The following PYDC1 variants were observed in gnomAD, a reference collection of about 807,000 sequenced individuals.
PYDC1 encodes the protein pyrin domain containing 1, also known as pyrin domain-containing protein 1.
A neutral mutation model predicts 0.7 loss-of-function variants in PYDC1; 1 was observed. The ratio of observed to expected loss-of-function variants is 1.39; its 90% CI spans 0.49 to 6.61. The LOEUF (loss-of-function observed/expected upper bound fraction) is 6.61. Among genes scored for constraint, PYDC1 ranks in the 30% most tolerant of loss-of-function variants. The probability of loss-of-function intolerance (pLI) is 0.14; values close to 1 mark genes in which losing one functional copy is unlikely to be tolerated. For synonymous variants in PYDC1, 37 were observed against 60.9 expected (o/e 0.61, Z 1.83); for missense variants, 129 against 124.8 (o/e 1.03, Z -0.16).
chr16:31,217,054 C>T lies in PYDC1; in HGVS notation c.-26G>A, dbSNP rs766304046. On this transcript the variant is annotated 5_prime_UTR_variant, in exon 1 of 2. Coordinates refer to ENST00000302964, the MANE Select transcript of PYDC1 (RefSeq NM_152901.4). Reference sequence around the variant, plus strand: ...GGCTCAGCCCTGCGCCTCTGAGCCTCCGAGGGCCTGGAGCCATCAGGTCCT... The same window carrying T: ...GGCTCAGCCCTGCGCCTCTGAGCCTTCGAGGGCCTGGAGCCATCAGGTCCT... 6.9e-6 allele frequency: 11 copies of T among 1,599,984 alleles called. No homozygotes were observed. In the African/African-American group the frequency reaches 1.3e-4, roughly 20 times the overall value.
rs1448913634 is a variant in PYDC1 at position 31,216,841 on chromosome 16, T to C, written c.188A>G (p.Asp63Gly). ...TDKLVASYYE[D>G]YAAELVVAVL... ...GGCCACGACGAGCTCGGCTGCGTAG[T>C]CCTCGTAGTAGGAGGCGACCAGCTT... The change falls in exon 1 of 2, where the codon GAC becomes GGC. Residue 63 changes from aspartate to glycine, a missense_variant. Coordinates refer to ENST00000302964, the MANE Select transcript of PYDC1 (RefSeq NM_152901.4). This position sits in a 1 kb window ranked among gnomAD's most constrained non-coding sequence, Gnocchi z 6.7. 1.2e-6 allele frequency: 2 copies of C among 1,613,648 alleles called. No individual in the cohort carries two copies. Among genetic ancestry groups the C allele is most frequent in the African/African-American group, 2.7e-5 (2 of 74,956 alleles).
chr16:31,216,837 G>T lies in PYDC1; in HGVS notation c.192C>A (p.Tyr64Ter). Residue 64 changes from tyrosine to a stop codon, truncating the protein, a stop_gained, in exon 1 of 2, where the codon TAC (tyrosine) becomes TAA (stop). Coordinates refer to ENST00000302964, the MANE Select transcript of PYDC1 (RefSeq NM_152901.4). LOFTEE classifies it low-confidence loss of function (END_TRUNC). The surrounding 1 kb of genome is among the most constrained non-coding windows in gnomAD (Gnocchi z 6.7). Reference protein sequence around the residue: ...DKLVASYYEDYAAELVVAVLR... With the variant: ...DKLVASYYED The stretch of plus-strand genomic sequence containing the variant: ...GCACGGCCACGACGAGCTCGGCTGC[G>T]TAGTCCTCGTAGTAGGAGGCGACCA... 3.1e-6 allele frequency: 5 copies of T among 1,613,714 alleles called. No homozygotes were observed. Among genetic ancestry groups the T allele is most frequent in the Non-Finnish European group, 4.2e-6 (5 of 1,179,956 alleles).
Position 31,216,725 on chromosome 16 carries a change from G to C in PYDC1, c.*16+18C>G. 1 of 1,573,250 alleles carries C rather than the reference G, an allele frequency of 6.4e-7. No individual in the cohort carries two copies. The highest frequency in any genetic ancestry group is 8.7e-7 in the Non-Finnish European group (1 of 1,155,646). On this transcript the variant is annotated intron_variant, in intron 1 of 1. Coordinates refer to ENST00000302964, the MANE Select transcript of PYDC1 (RefSeq NM_152901.4). This position sits in a 1 kb window ranked among gnomAD's most constrained non-coding sequence, Gnocchi z 6.7. ...GGTCCTTGGCGAGGAAGCGGGGTTG[G>C]GTCCCGAGATCACGTACCAGCTCAG...
chr16:31,216,697 G>A lies in PYDC1; in HGVS notation c.*16+46C>T, dbSNP rs73532241. ...GAAGGCTCTGGGCGGGACCTGACGC[G>A]TGGGTCCTTGGCGAGGAAGCGGGGT... On this transcript the variant is annotated intron_variant, in intron 1 of 1. Transcript: ENST00000302964. The surrounding 1 kb of genome is among the most constrained non-coding windows in gnomAD (Gnocchi z 6.7). 2.6e-5 allele frequency: 40 copies of A among 1,542,922 alleles called. No homozygotes were observed. Among genetic ancestry groups the A allele is most frequent in the South Asian group, 2.4e-4 (20 of 82,230 alleles).
Position 31,217,123 on chromosome 16 carries a change from C to G in PYDC1, c.-95G>C, listed in dbSNP as rs906878765. On this transcript the variant is annotated 5_prime_UTR_variant, in exon 1 of 2. Coordinates refer to ENST00000302964, the MANE Select transcript of PYDC1 (RefSeq NM_152901.4). ...GGAGCTGCCGCCCCCGGGGATGTCC[C>G]GGGAAGGAGACTGATCTGGCAGCTC... 5.2e-6 allele frequency: 7 copies of G among 1,350,098 alleles called. No homozygotes were observed. In the African/African-American group the frequency reaches 1.0e-4, roughly 20 times the overall value. The allele number at this position is 1,350,098 out of a possible 1,614,324, so 83.6% of individuals were successfully genotyped here.
Position 31,217,056 on chromosome 16 carries a change from G to C in PYDC1, c.-28C>G, listed in dbSNP as rs1054702349. 3.1e-6 allele frequency: 5 copies of C among 1,595,826 alleles called. No homozygotes were observed. The highest frequency in any genetic ancestry group is 2.7e-5 in the African/African-American group (2 of 74,486). On this transcript the variant is annotated 5_prime_UTR_variant, in exon 1 of 2. Transcript: ENST00000302964. Reference sequence around the variant, plus strand: ...CTCAGCCCTGCGCCTCTGAGCCTCCGAGGGCCTGGAGCCATCAGGTCCTAC... The same window carrying C: ...CTCAGCCCTGCGCCTCTGAGCCTCCCAGGGCCTGGAGCCATCAGGTCCTAC...
chr16:31,217,042 G>A lies in PYDC1; in HGVS notation c.-14C>T. ...CTTCGTTCCCATGGCTCAGCCCTGC[G>A]CCTCTGAGCCTCCGAGGGCCTGGAG... is the stretch of plus-strand genomic sequence containing the variant. On this transcript the variant is annotated 5_prime_UTR_variant, in exon 1 of 2. Transcript: ENST00000302964. The A allele has an allele frequency of 1.9e-6, 3 of 1,603,662 alleles. No individual in the cohort carries two copies. The highest frequency in any genetic ancestry group is 1.1e-5 in the South Asian group (1 of 90,742).
Position 31,216,448 on chromosome 16 carries a change from CA to C in PYDC1, c.*17-292del, listed in dbSNP as rs200361055. Reference sequence around the variant, plus strand: ...AAAAAAAAAACAAAAAACAAACAAACAAAAAAAACCCAACCTCGCCCAACCT... The same window carrying C: ...AAAAAAAAAACAAAAAACAAACAAACAAAAAAACCCAACCTCGCCCAACCT... On this transcript the variant is annotated intron_variant, in intron 1 of 1. Coordinates refer to ENST00000302964, the MANE Select transcript of PYDC1 (RefSeq NM_152901.4). The surrounding 1 kb of genome is among the most constrained non-coding windows in gnomAD (Gnocchi z 6.7). The C allele has an allele frequency of 1.0e-4, 37 of 368,708 alleles. No individual in the cohort carries two copies. Among genetic ancestry groups the C allele is most frequent in the Non-Finnish European group, 1.5e-4 (30 of 205,798 alleles). The allele number at this position is 368,708 out of a possible 1,614,324, so 22.8% of individuals were successfully genotyped here. A position where few individuals can be genotyped will look rare whatever the true frequency, so the allele number is the denominator to read the frequency against.
chr16:31,216,545 T>C lies in PYDC1; in HGVS notation c.*16+198A>G, dbSNP rs546450600. On this transcript the variant is annotated intron_variant, in intron 1 of 1. Transcript: ENST00000302964. This position sits in a 1 kb window ranked among gnomAD's most constrained non-coding sequence, Gnocchi z 6.7. ...ACAGGGCCCAGGCAGCCCAGGAGCC[T>C]GGAAGGGGGCAGTGGGGCGAGATGC... is the stretch of plus-strand genomic sequence containing the variant. Among the ~76,000 whole-genome samples, 1 of 152,126 alleles carries C rather than the reference T, an allele frequency of 6.6e-6. No individual in the cohort carries two copies. Among genetic ancestry groups the C allele is most frequent in the African/African-American group, 2.4e-5 (1 of 41,470 alleles).
rs1170423422 is a variant in PYDC1 at position 31,216,586 on chromosome 16, G to A, written c.*16+157C>T. On this transcript the variant is annotated intron_variant, in intron 1 of 1. Transcript: ENST00000302964. The surrounding 1 kb of genome is among the most constrained non-coding windows in gnomAD (Gnocchi z 6.7). ...GGCGAGATGCAGCCCACCAGGGTTC[G>A]CGGCAGCCCAGCCCTTCGCCCCCGG... Among the ~76,000 whole-genome samples the A allele has an allele frequency of 6.6e-6, 1 of 152,160 alleles. No individual in the cohort carries two copies.
Position 31,217,068 on chromosome 16 carries a change from CCA to C in PYDC1, c.-42_-41del. 1 of 1,585,974 alleles carries C rather than the reference CCA, an allele frequency of 6.3e-7. No individual in the cohort carries two copies. Among genetic ancestry groups the C allele is most frequent in the Non-Finnish European group, 8.6e-7 (1 of 1,161,384 alleles). On this transcript the variant is annotated 5_prime_UTR_variant, in exon 1 of 2. The change abolishes an upstream ATG in the 5' untranslated region. Transcript: ENST00000302964. Reference sequence around the variant, plus strand: ...CCTCTGAGCCTCCGAGGGCCTGGAGCCATCAGGTCCTACCTTTCCTGCAGCAG... The same window carrying C: ...CCTCTGAGCCTCCGAGGGCCTGGAGCTCAGGTCCTACCTTTCCTGCAGCAG...
At position 31,216,907 on chromosome 16, in the gene PYDC1, C is replaced by G; in HGVS notation, c.122G>C (p.Arg41Pro). ...GATATCTAGCTGCCCGAGCGCGCCC[C>G]GCGGGATGCGCTCAAAGCCCTCGCG... ...PLREGFERIP[R>P]GALGQLDIVD... Residue 41 changes from arginine to proline, a missense_variant, in exon 1 of 2, where the codon CGG (arginine) becomes CCG (proline). Coordinates refer to ENST00000302964, the MANE Select transcript of PYDC1 (RefSeq NM_152901.4). The surrounding 1 kb of genome is among the most constrained non-coding windows in gnomAD (Gnocchi z 6.7). The G allele has an allele frequency of 6.2e-7, 1 of 1,613,982 alleles. No individual in the cohort carries two copies. The highest frequency in any genetic ancestry group is 8.5e-7 in the Non-Finnish European group (1 of 1,180,038).
Position 31,216,828 on chromosome 16 carries a change from C to A in PYDC1, c.201G>T (p.Glu67Asp). Reference sequence around the variant, plus strand: ...TGTCGCGCAGCACGGCCACGACGAGCTCGGCTGCGTAGTCCTCGTAGTAGG... The same window carrying A: ...TGTCGCGCAGCACGGCCACGACGAGATCGGCTGCGTAGTCCTCGTAGTAGG... ...VASYYEDYAA[E>D]LVVAVLRDMR... The change falls in exon 1 of 2, where the codon GAG (glutamate) becomes GAT (aspartate). Residue 67 changes from glutamate to aspartate, a missense_variant. Glu to Asp is a conservative substitution (Grantham distance 45). Transcript: ENST00000302964. The surrounding 1 kb of genome is among the most constrained non-coding windows in gnomAD (Gnocchi z 6.7). 1 of 1,613,388 alleles carries A rather than the reference C, an allele frequency of 6.2e-7. No homozygotes were observed. Among genetic ancestry groups the A allele is most frequent in the Non-Finnish European group, 8.5e-7 (1 of 1,179,708 alleles).
chr16:31,216,886 T>C lies in PYDC1; in HGVS notation c.143A>G (p.Asp48Gly). The C allele has an allele frequency of 6.2e-7, 1 of 1,613,970 alleles. No homozygotes were observed. Among genetic ancestry groups the C allele is most frequent in the East Asian group, 2.2e-5 (1 of 44,878 alleles). ...CAGCTTGTCGGTGAGGTCCACGATA[T>C]CTAGCTGCCCGAGCGCGCCCCGCGG... ...RIPRGALGQL[D>G]IVDLTDKLVA... Residue 48 changes from aspartate (D) to glycine (G), a missense_variant, in exon 1 of 2, where the codon GAT (aspartate) becomes GGT (glycine). By Grantham distance (94) the Asp-to-Gly change is moderately conservative. Transcript: ENST00000302964. This position sits in a 1 kb window ranked among gnomAD's most constrained non-coding sequence, Gnocchi z 6.7.
chr16:31,216,724 G>T lies in PYDC1; in HGVS notation c.*16+19C>A, dbSNP rs755421162. 20 of 1,572,148 alleles carry T rather than the reference G, an allele frequency of 1.3e-5. 1 individual carries two copies. In the South Asian group the frequency reaches 2.2e-4, roughly 17 times the overall value. On this transcript the variant is annotated intron_variant, in intron 1 of 1. Coordinates refer to ENST00000302964, the MANE Select transcript of PYDC1 (RefSeq NM_152901.4). This position sits in a 1 kb window ranked among gnomAD's most constrained non-coding sequence, Gnocchi z 6.7. ...GGGTCCTTGGCGAGGAAGCGGGGTTGGGTCCCGAGATCACGTACCAGCTCA... is the reference window on the plus strand; with the variant it reads ...GGGTCCTTGGCGAGGAAGCGGGGTTTGGTCCCGAGATCACGTACCAGCTCA...
Position 31,216,825 on chromosome 16 carries a change from G to A in PYDC1, c.204C>T (p.Leu68=), listed in dbSNP as rs1160875173. 2 of 1,613,086 alleles carry A rather than the reference G, an allele frequency of 1.2e-6. No individual in the cohort carries two copies. The highest frequency in any genetic ancestry group is 2.7e-5 in the African/African-American group (2 of 74,946). ...GCATGTCGCGCAGCACGGCCACGAC[G>A]AGCTCGGCTGCGTAGTCCTCGTAGT... ...ASYYEDYAAE[L]VVAVLRDMRM... The change falls in exon 1 of 2, where the codon CTC becomes CTT. Residue 68 remains leucine, a synonymous_variant. Transcript: ENST00000302964. This position sits in a 1 kb window ranked among gnomAD's most constrained non-coding sequence, Gnocchi z 6.7.
rs1389636120 is a variant in PYDC1, at chr16:31,217,025, C to T, written c.4G>A (p.Gly2Arg). 1 of 1,611,864 alleles carries T rather than the reference C, an allele frequency of 6.2e-7. No individual in the cohort carries two copies. Among genetic ancestry groups the T allele is most frequent in the East Asian group, 2.2e-5 (1 of 44,764 alleles). The change falls in exon 1 of 2, where the codon GGA becomes AGA. Residue 2 changes from glycine (G) to arginine (R), a missense_variant. Transcript: ENST00000302964. ...TTCAGGATGGCCTCGCGCTTCGTTC[C>T]CATGGCTCAGCCCTGCGCCTCTGAG... M[G>R]TKREAILKVL...
Position 31,216,916 on chromosome 16 carries a change from C to T in PYDC1, c.113G>A (p.Arg38His), listed in dbSNP as rs1596937933. 1.9e-6 allele frequency: 3 copies of T among 1,614,132 alleles called. No individual in the cohort carries two copies. The highest frequency in any genetic ancestry group is 2.5e-6 in the Non-Finnish European group (3 of 1,180,038). Residue 38 changes from arginine (R) to histidine (H), a missense_variant, in exon 1 of 2, where the codon CGC becomes CAC. Transcript: ENST00000302964. The surrounding 1 kb of genome is among the most constrained non-coding windows in gnomAD (Gnocchi z 6.7). The stretch of plus-strand genomic sequence containing the variant: ...CTGCCCGAGCGCGCCCCGCGGGATG[C>T]GCTCAAAGCCCTCGCGCAGCGGCAC... ...GTVPLREGFE[R>H]IPRGALGQLD...
rs2288005 is a variant in PYDC1, at chr16:31,216,587, C to T, written c.*16+156G>A. Among the ~76,000 whole-genome samples, 68,883 of 152,002 alleles carry T rather than the reference C, an allele frequency of 0.45. 17,469 individuals are homozygous for T. Among genetic ancestry groups the T allele is most frequent in the East Asian group, 0.75 (3,871 of 5,130 alleles). The stretch of plus-strand genomic sequence containing the variant: ...GCGAGATGCAGCCCACCAGGGTTCG[C>T]GGCAGCCCAGCCCTTCGCCCCCGGG... On this transcript the variant is annotated intron_variant, in intron 1 of 1. Coordinates refer to ENST00000302964, the MANE Select transcript of PYDC1 (RefSeq NM_152901.4). This position sits in a 1 kb window ranked among gnomAD's most constrained non-coding sequence, Gnocchi z 6.7.
Sources: allele counts gnomAD v4.1 joint callset (sites outside exome capture counted in the v4.1 genomes callset), GRCh38; gene constraint gnomAD v4.1.1; non-coding constraint Gnocchi (gnomAD v3.1); transcripts MANE v1.5; gene names NCBI Gene and HGNC (gene_info 2026-07-23, HGNC 2026-07-21).